AMPD3: variants seen among roughly 807,000 people sequenced by gnomAD.
AMPD3 encodes the protein adenosine monophosphate deaminase 3.
Under a neutral mutation model 82.3 loss-of-function variants are expected in AMPD3, and 57 were observed. That is an observed-to-expected ratio of 0.69 (90% confidence interval 0.56 to 0.86). The LOEUF is 0.86. Among genes scored for constraint, AMPD3 ranks in the 40% least tolerant of loss-of-function variants. The probability of loss-of-function intolerance (pLI) is 0.00; values close to 1 mark genes in which losing one functional copy is unlikely to be tolerated. For missense variants in AMPD3, 870 were observed against 1,003.8 expected (o/e 0.87, Z 1.80); for synonymous variants, 381 against 394.7 (o/e 0.97, Z 0.41).
intron 12 of AMPD3, 181 bp downstream of exon 12, chr11:10,501,771 CA>C: frequency 1.0e-6 from 1 of 985,018 alleles, no homozygotes; most frequent in Non-Finnish European, 1.2e-6. Context: ...TTTGATTTTC[CA>C]AAAACTGGAG....
Position 10,502,754 on chromosome 11 carries a change from C to T in AMPD3, c.1876C>T (p.Gln626Ter), listed in dbSNP as rs768554651. The T allele has an allele frequency of 2.5e-6, 4 of 1,614,228 alleles. No individual in the cohort carries two copies. In the East Asian group the frequency reaches 6.7e-5, roughly 27 times the overall value. The change falls in exon 13 of 15, where the codon CAG becomes TAG. Residue 626 changes from glutamine to a stop codon, truncating the protein, a stop_gained. Coordinates refer to ENST00000396553, the MANE Select transcript of AMPD3 (RefSeq NM_001025389.2). LOFTEE classifies it high-confidence loss of function. Reference protein sequence around the residue: ...PVLQYLYYLAQIPIAMSPLSN... With the variant: ...PVLQYLYYLA ...ATTGCAGTATCTCTACTACCTTGCT[C>T]AGATCCCCATTGCCATGTCTCCTCT...
upstream of AMPD3, among the ~76,000 whole-genome samples, chr11:10,452,090 C>T (rs760146231): frequency 2.6e-5 from 4 of 152,178 alleles, no homozygotes; most frequent in Non-Finnish European, 5.9e-5. Context: ...TTTGACCTCT[C>T]AGTCCCATCC....
In AMPD3 at chr11:10,486,130, T is replaced by G. The variant is rs565697160; in HGVS notation, c.809+1091T>G. Reference sequence around the variant, plus strand: ...CTCAGAGGCTGTCCTCAGCCAGGTGTGCAAGTAGTGGCTGTCCCATCTGGG... The same window carrying G: ...CTCAGAGGCTGTCCTCAGCCAGGTGGGCAAGTAGTGGCTGTCCCATCTGGG... On this transcript the variant is annotated intron_variant, in intron 5 of 14. Coordinates refer to ENST00000396553, the MANE Select transcript of AMPD3 (RefSeq NM_001025389.2). Among the ~76,000 whole-genome samples, 9 of 152,258 alleles carry G rather than the reference T, an allele frequency of 5.9e-5. No individual in the cohort carries two copies. The East Asian group carries it at 1.7e-3, about 29-fold the overall frequency.
intron 4 of AMPD3, among the ~76,000 whole-genome samples, chr11:10,483,527 C>T (rs964560119): frequency 6.6e-6 from 1 of 152,252 alleles, no homozygotes; most frequent in Non-Finnish European, 1.5e-5. Context: ...ACAGAAATGA[C>T]TGTCAAATGT....
At chr11:10,453,063 C>T (rs189106451), upstream of AMPD3, among the ~76,000 whole-genome samples, 437 of 152,330 alleles carry the variant, frequency 2.9e-3, 1 homozygote, top group African/African-American at 9.8e-3. Flanking sequence ...GATTCTCCTG[C>T]CTCAGCTTCC....
intron 11 of AMPD3, chr11:10,501,001 G>T (rs1849563934): frequency 1.0e-6 from 1 of 985,328 alleles, no homozygotes; most frequent in African/African-American, 1.7e-5. Context: ...CAGGGTGGAG[G>T]CAGTCCTGGG....
At position 10,456,297 on chromosome 11, in the gene AMPD3, G is replaced by A; in HGVS notation, c.-6+849G>A. On this transcript the variant is annotated intron_variant, in intron 1 of 14. Coordinates refer to ENST00000396553, the MANE Select transcript of AMPD3 (RefSeq NM_001025389.2). The surrounding 1 kb of genome is among the most constrained non-coding windows in gnomAD (Gnocchi z 4.3). Reference sequence around the variant, plus strand: ...GCCGGCAGACAGGACCCAGCCAGCTGCACGCACGCACTGACTCAGCTGAGC... The same window carrying A: ...GCCGGCAGACAGGACCCAGCCAGCTACACGCACGCACTGACTCAGCTGAGC... 2.5e-6 allele frequency: 4 copies of A among 1,595,680 alleles called. No individual in the cohort carries two copies. Among genetic ancestry groups the A allele is most frequent in the Non-Finnish European group, 3.4e-6 (4 of 1,168,172 alleles).
chr11:10,500,355 C>CCTGAACCAACATGCATGTCCATGTG (rs1849542883), intron 11 of AMPD3, 106 bp downstream of exon 11: 2 of 1,435,746 alleles, frequency 1.4e-6, no homozygotes, highest in Admixed American at 3.6e-5. Flanking sequence ...TCCGTGTGCA[C>CCTGAACCAACATGCATGTCCATGTG]CTGAACCAAC....
At chr11:10,475,770 G>A (rs1848720221) in intron 2 of AMPD3, among the ~76,000 whole-genome samples, 1 of 152,182 alleles carries the variant, frequency 6.6e-6, no homozygotes, top group East Asian at 1.9e-4. Flanking sequence ...TGGTTTTGGA[G>A]ATGAAGGGGG....
rs751204656 is a variant in AMPD3, at chr11:10,495,700, ACATG to A, written c.1399_1402del (p.Met467AlafsTer53). On this transcript the variant is annotated frameshift_variant, in exon 9 of 15. Coordinates refer to ENST00000396553, the MANE Select transcript of AMPD3 (RefSeq NM_001025389.2). LOFTEE classifies it high-confidence loss of function. ...ATCCAGCACAAGGTCTACTCTCCCA[ACATG>A]CGCTGGATCATCCAGGTGCCCCGGA... 6.2e-7 allele frequency: 1 copy of A among 1,614,112 alleles called. No individual in the cohort carries two copies. Among genetic ancestry groups the A allele is most frequent in the East Asian group, 2.2e-5 (1 of 44,868 alleles).
chr11:10,502,291 T>C (rs1463197926), intron 12 of AMPD3: 2 of 985,302 alleles, frequency 2.0e-6, no homozygotes, highest in Non-Finnish European at 2.4e-6. Context: ...TCAGGGATCA[T>C]CTCCCAGGAG....
intron 6 of AMPD3, 25 bp downstream of exon 6, chr11:10,487,389 G>A: frequency 3.7e-6 from 6 of 1,613,496 alleles, no homozygotes; most frequent in Non-Finnish European, 5.1e-6. Context: ...AGTGTTCACA[G>A]CTGCCTCACC....
At position 10,464,058 on chromosome 11, in the gene AMPD3, C is replaced by T. The variant is rs572573736; in HGVS notation, c.221+2318C>T. 5.3e-5 allele frequency among the ~76,000 whole-genome samples: 8 copies of T among 152,276 alleles called. No individual in the cohort carries two copies. In the South Asian group the frequency reaches 1.7e-3, roughly 32 times the overall value. ...CCTCTCTGGGCCTCAGCCTCGTCCTCATCTATAAAGTGGAGATGCTAACAG... is the reference window on the plus strand; with the variant it reads ...CCTCTCTGGGCCTCAGCCTCGTCCTTATCTATAAAGTGGAGATGCTAACAG... On this transcript the variant is annotated intron_variant, in intron 2 of 14. Transcript: ENST00000396553.
In AMPD3 at chr11:10,505,975, T is replaced by C; in HGVS notation, c.*91T>C. On this transcript the variant is annotated 3_prime_UTR_variant, in exon 15 of 15. Coordinates refer to ENST00000396553, the MANE Select transcript of AMPD3 (RefSeq NM_001025389.2). Reference sequence around the variant, plus strand: ...TCAAGATTCCGAACTAGGACTTTCCTCTGTGAAGAGGATGCCTCTGAAGAA... The same window carrying C: ...TCAAGATTCCGAACTAGGACTTTCCCCTGTGAAGAGGATGCCTCTGAAGAA... The C allele has an allele frequency of 4.0e-6, 6 of 1,490,466 alleles. No homozygotes were observed. Among genetic ancestry groups the C allele is most frequent in the Non-Finnish European group, 4.6e-6 (5 of 1,076,412 alleles). The allele number at this position is 1,490,466 out of a possible 1,614,324, so 92.3% of individuals were successfully genotyped here. A position where few individuals can be genotyped will look rare whatever the true frequency, so the allele number is the denominator to read the frequency against.
In AMPD3 at chr11:10,493,365, A is replaced by G. The variant is rs774336879; in HGVS notation, c.956A>G (p.His319Arg). The G allele has an allele frequency of 1.2e-6, 2 of 1,614,088 alleles. No individual in the cohort carries two copies. Among genetic ancestry groups the G allele is most frequent in the Admixed American group, 1.7e-5 (1 of 60,006 alleles). The change falls in exon 7 of 15, where the codon CAT becomes CGT. Residue 319 changes from histidine (H) to arginine (R), a missense_variant. By Grantham distance (29) the His-to-Arg change is conservative (BLOSUM62 0). Coordinates refer to ENST00000396553, the MANE Select transcript of AMPD3 (RefSeq NM_001025389.2). ...YNVRKVDTHI[H>R]AAACMNQKHL... is the part of the protein sequence containing the mutation. ...GTGTTCCAGGTGGACACACACATCC[A>G]TGCGGCCGCCTGCATGAACCAAAAG...
chr11:10,486,673 T>G (rs773160306), intron 5 of AMPD3: 31 of 985,306 alleles, frequency 3.1e-5, no homozygotes, highest in Non-Finnish European at 3.6e-5. Flanking sequence ...CCGTGGCCAT[T>G]AGGTCAGGGG....
chr11:10,453,505 C>A (rs542333758), upstream of AMPD3, among the ~76,000 whole-genome samples: 3 of 152,286 alleles, frequency 2.0e-5, no homozygotes, highest in South Asian at 6.2e-4. Context: ...ACACACCTCA[C>A]AAATGAGAAG....
chr11:10,458,700 A>G (rs1848173020), intron 1 of AMPD3, among the ~76,000 whole-genome samples: 1 of 152,228 alleles, frequency 6.6e-6, no homozygotes, highest in Non-Finnish European at 1.5e-5. Context: ...TTTTCAAGTG[A>G]GTATGCTCTA....
chr11:10,488,226 T>C, intron 6 of AMPD3: 5 of 985,480 alleles, frequency 5.1e-6, no homozygotes, highest in Non-Finnish European at 6.0e-6. Flanking sequence ...CCCTAGCCTT[T>C]CCATTCTCTT....
Sources: gnomAD v4.1 joint callset for allele counts (sites outside exome capture counted in the v4.1 genomes callset) on GRCh38, gnomAD v4.1.1 for gene constraint, Gnocchi (gnomAD v3.1) non-coding constraint, MANE v1.5 for transcripts, NCBI Gene and HGNC (gene_info 2026-07-23, HGNC 2026-07-21) for gene names.